Variants in SLC24A2 observed in about 807,000 individuals in gnomAD.
The protein encoded by SLC24A2 is sodium/potassium/calcium exchanger 2.
A neutral mutation model predicts 62.0 loss-of-function variants in SLC24A2; 36 were observed. That is an observed-to-expected ratio of 0.58 (90% CI 0.44 to 0.77). The LOEUF is 0.77. Among genes scored for constraint, SLC24A2 ranks in the 30% least tolerant of loss-of-function variants. SLC24A2 has a pLI of 0.00. For synonymous variants in SLC24A2, 358 were observed against 294.0 expected, an observed-to-expected ratio of 1.22 and a Z score of -2.23; for missense variants, 846 against 817.9, an observed-to-expected ratio of 1.03 and a Z score of -0.42.
At chr9:19,982,061 G>A in the SLC24A2 span, among the ~76,000 whole-genome samples, 44 of 152,156 alleles carry the variant, frequency 2.9e-4, no homozygotes, top group African/African-American at 1.0e-3. Flanking sequence ...AGATTGCAAT[G>A]AGTGAATAAT....
chr9:20,193,304 TATTA>T, the SLC24A2 span, among the ~76,000 whole-genome samples: 1 of 152,162 alleles, frequency 6.6e-6, no homozygotes, highest in Non-Finnish European at 1.5e-5. Flanking sequence ...TTTTATTATT[TATTA>T]GTCAGTGAAC....
At chr9:20,073,726 T>G in the SLC24A2 span, among the ~76,000 whole-genome samples, 1 of 152,082 alleles carries the variant, frequency 6.6e-6, no homozygotes, top group Non-Finnish European at 1.5e-5. Flanking sequence ...GATCTTAAAC[T>G]AAAATTCTCA....
chr9:20,195,111 A>G, the SLC24A2 span, among the ~76,000 whole-genome samples: 1 of 152,150 alleles, frequency 6.6e-6, no homozygotes, highest in African/African-American at 2.4e-5. Context: ...TGGAACATGT[A>G]ATTTTAATGT....
chr9:19,885,125 C>T, the SLC24A2 span, among the ~76,000 whole-genome samples: 2 of 152,104 alleles, frequency 1.3e-5, no homozygotes. Context: ...AACAGTGTCG[C>T]TGGGGACATA....
rs1419062424 is a variant in SLC24A2, at chr9:19,651,982, T to G, written c.931-29683A>C. On this transcript the variant is annotated intron_variant, in intron 2 of 10. Coordinates refer to ENST00000341998, the MANE Select transcript of SLC24A2 (RefSeq NM_020344.4). Reference sequence around the variant, plus strand: ...TTCCATTTGGGCAGTCCTCTGTGAGTGAATTATTTCACAAGTAAATTGCTC... The same window carrying G: ...TTCCATTTGGGCAGTCCTCTGTGAGGGAATTATTTCACAAGTAAATTGCTC... Among the ~76,000 whole-genome samples, 3 of 152,282 alleles carry G rather than the reference T, an allele frequency of 2.0e-5. No homozygotes were observed. The East Asian group carries it at 5.8e-4, about 29-fold the overall frequency.
the SLC24A2 span, among the ~76,000 whole-genome samples, chr9:20,020,102 A>G: frequency 2.6e-5 from 4 of 152,186 alleles, no homozygotes. Context: ...GACAAATAGG[A>G]ACGCTCTTAC....
the SLC24A2 span, among the ~76,000 whole-genome samples, chr9:20,237,099 A>T: frequency 6.6e-6 from 1 of 152,322 alleles, no homozygotes; most frequent in African/African-American, 2.4e-5. Context: ...TCAGGGCAAG[A>T]TGGAACCTCC....
At chr9:19,809,232 AAAATCCATCAACAGTGGACT>A in the SLC24A2 span, among the ~76,000 whole-genome samples, 1 of 152,260 alleles carries the variant, frequency 6.6e-6, no homozygotes, top group East Asian at 1.9e-4. Flanking sequence ...TGTATTTTTT[AAAATCCATCAACAGTGGACT>A]TAGAAAAAGC....
the SLC24A2 span, among the ~76,000 whole-genome samples, chr9:19,901,851 G>A: frequency 7.9e-5 from 12 of 152,136 alleles, no homozygotes; most frequent in African/African-American, 1.9e-4. Flanking sequence ...TGGAACAGGC[G>A]GGGTGGGAGG....
chr9:19,522,778 A>G (rs1345045817), intron 9 of SLC24A2, among the ~76,000 whole-genome samples: 2 of 152,212 alleles, frequency 1.3e-5, no homozygotes, highest in Admixed American at 1.3e-4. Flanking sequence ...CAATCTGCAT[A>G]CCTAGGTGAT....
chr9:20,129,969 G>T, the SLC24A2 span, among the ~76,000 whole-genome samples: 1 of 61,142 alleles, frequency 1.6e-5, no homozygotes, highest in African/African-American at 4.6e-5. Context: ...ACACACAGAG[G>T]TTAAGATTTC....
chr9:20,051,657 C>CTCTCTTTTTTTTTTTTTTTTT, the SLC24A2 span, among the ~76,000 whole-genome samples: 7 of 73,512 alleles, frequency 9.5e-5, no homozygotes, highest in Admixed American at 4.0e-4. Flanking sequence ...TTTTCTTTCT[C>CTCTCTTTTTTTTTTTTTTTTT]TTTTTTTTTT....
chr9:19,651,321 A>C (rs931111743), intron 2 of SLC24A2, among the ~76,000 whole-genome samples: 4 of 152,214 alleles, frequency 2.6e-5, no homozygotes, highest in Non-Finnish European at 5.9e-5. Flanking sequence ...TAATAACCCA[A>C]TGGTGAAGGT....
chr9:19,544,928 A>G (rs1024630395), intron 8 of SLC24A2, among the ~76,000 whole-genome samples: 1 of 152,082 alleles, frequency 6.6e-6, no homozygotes, highest in Non-Finnish European at 1.5e-5. Flanking sequence ...CTCAAGGAGT[A>G]TCTTTGTGGT....
intron 4 of SLC24A2, among the ~76,000 whole-genome samples, chr9:19,612,361 T>C (rs1156887420): frequency 6.6e-6 from 1 of 152,214 alleles, no homozygotes; most frequent in Non-Finnish European, 1.5e-5. Flanking sequence ...TTTTCTAATT[T>C]AGAGACAGAG....
chr9:19,581,341 C>T (rs1836203871), intron 5 of SLC24A2, among the ~76,000 whole-genome samples: 1 of 152,202 alleles, frequency 6.6e-6, no homozygotes, highest in Admixed American at 6.5e-5. Context: ...TGATGATCAG[C>T]TTTCCCTCAT....
chr9:19,793,998 C>T (rs1228594095), upstream of SLC24A2, among the ~76,000 whole-genome samples: 1 of 152,162 alleles, frequency 6.6e-6, no homozygotes, highest in African/African-American at 2.4e-5. Flanking sequence ...TTGCATTTGG[C>T]TCATTTTTTG....
the SLC24A2 span, among the ~76,000 whole-genome samples, chr9:19,837,040 A>G: frequency 1.3e-5 from 2 of 152,214 alleles, no homozygotes; most frequent in East Asian, 3.9e-4. Flanking sequence ...CTTCATGCTA[A>G]AAACTCTCAA....
chr9:20,051,644 G>A, the SLC24A2 span, among the ~76,000 whole-genome samples: 12 of 83,388 alleles, frequency 1.4e-4, no homozygotes, highest in African/African-American at 5.9e-4. Context: ...TTTCTGTGAG[G>A]TTTTTTCTTT....
Sources: allele counts gnomAD v4.1 joint callset (sites outside exome capture counted in the v4.1 genomes callset), GRCh38; gene constraint gnomAD v4.1.1; transcripts MANE v1.5; gene names NCBI Gene and HGNC (gene_info 2026-07-23, HGNC 2026-07-21).